GCC2: variants seen among roughly 807,000 people sequenced by gnomAD.
GCC2 encodes the protein GRIP and coiled-coil domain-containing protein 2.
Under a neutral mutation model 210.6 loss-of-function variants are expected in GCC2, and 120 were observed. The observed-to-expected ratio is 0.57, with a 90% CI of 0.49 to 0.66. The LOEUF (loss-of-function observed/expected upper bound fraction) is 0.66. Among genes scored for constraint, GCC2 ranks in the 30% least tolerant of loss-of-function variants. The pLI, the probability that GCC2 is intolerant of heterozygous loss-of-function variation, is 0.00. For missense variants in GCC2, 1,868 were observed against 1,871.9 expected (o/e 1.00, Z 0.04); for synonymous variants, 703 against 652.7 (o/e 1.08, Z -1.17).
In GCC2 at chr2:108,466,638, A is replaced by G. The variant is rs199587053; in HGVS notation, c.217-2342A>G. Among the ~76,000 whole-genome samples the G allele has an allele frequency of 4.6e-5, 7 of 151,314 alleles. No homozygotes were observed. In the East Asian group the frequency reaches 9.9e-4, roughly 21 times the overall value. ...CAGGCGCCCACCACCACACCTGACT[A>G]ATTTTTTGTATTTTTAGTAGAGATG... On this transcript the variant is annotated intron_variant, in intron 4 of 22. Transcript: ENST00000309863.
chr2:108,468,122 A>G (rs1251938886), intron 4 of GCC2, among the ~76,000 whole-genome samples: 1 of 151,010 alleles, frequency 6.6e-6, no homozygotes, highest in Non-Finnish European at 1.5e-5. Flanking sequence ...AGTACAGTGG[A>G]GTGATCTTGG....
At position 108,492,670 on chromosome 2, in the gene GCC2, T is replaced by G. The variant is rs1444331771; in HGVS notation, c.4327T>G (p.Phe1443Val). 1 of 1,613,874 alleles carries G rather than the reference T, an allele frequency of 6.2e-7. No individual in the cohort carries two copies. Among genetic ancestry groups the G allele is most frequent in the East Asian group, 2.2e-5 (1 of 44,876 alleles). The change falls in exon 19 of 23, where the codon TTC (phenylalanine) becomes GTC (valine). Residue 1443 changes from phenylalanine (F) to valine (V), a missense_variant. Physicochemically the swap from Phe to Val is conservative, Grantham distance 50. Transcript: ENST00000309863. ...TSQNEVLRNS[F>V]RDQVRHLQEE... The stretch of plus-strand genomic sequence containing the variant: ...CCAGAACGAGGTCCTTCGAAATAGC[T>G]TCCGAGATCAAGTGCGACATTTGCA...
intron 4 of GCC2, among the ~76,000 whole-genome samples, chr2:108,453,530 A>G (rs1251671216): frequency 2.0e-5 from 3 of 152,160 alleles, no homozygotes; most frequent in Non-Finnish European, 4.4e-5. Flanking sequence ...CACACCTGTA[A>G]TCCCAGCACT....
At chr2:108,500,110 C>A (rs1485254169) in intron 22 of GCC2, among the ~76,000 whole-genome samples, 5 of 151,978 alleles carry the variant, frequency 3.3e-5, no homozygotes, top group African/African-American at 7.2e-5. Flanking sequence ...TTTTCTACTT[C>A]ACGCCTCTTC....
At chr2:108,486,419 T>A (rs543225191) in intron 15 of GCC2, 92 bp from the exon 16 acceptor site, 4 of 1,196,586 alleles carry the variant, frequency 3.3e-6, no homozygotes, top group African/African-American at 1.5e-5. Flanking sequence ...TATGTACTTA[T>A]GTCTCAAACC....
chr2:108,463,898 G>A (rs1213147608), intron 4 of GCC2, among the ~76,000 whole-genome samples: 1 of 152,196 alleles, frequency 6.6e-6, no homozygotes, highest in Non-Finnish European at 1.5e-5. Context: ...GCCAGCTGTG[G>A]TGGTAGCAGC....
chr2:108,487,665 G>C (rs571805380), intron 16 of GCC2, 34 bp from the exon 17 acceptor site: 1 of 1,576,174 alleles, frequency 6.3e-7, no homozygotes, highest in South Asian at 1.2e-5. Flanking sequence ...CCCTGTTACA[G>C]TAGAAAAACG....
chr2:108,490,956 G>A (rs1018250897), intron 18 of GCC2, among the ~76,000 whole-genome samples: 1 of 152,116 alleles, frequency 6.6e-6, no homozygotes, highest in African/African-American at 2.4e-5. Flanking sequence ...ATAGCATTTT[G>A]AGGTATCTTT....
At chr2:108,490,055 T>A in intron 18 of GCC2, 41 bp downstream of exon 18, 1 of 1,360,172 alleles carries the variant, frequency 7.4e-7, no homozygotes, top group Non-Finnish European at 9.9e-7. Context: ...CAGACAGCAA[T>A]GTATTTCTTT....
intron 22 of GCC2, among the ~76,000 whole-genome samples, chr2:108,503,717 G>C (rs1209079569): frequency 4.6e-5 from 7 of 152,164 alleles, no homozygotes; most frequent in Non-Finnish European, 8.8e-5. Context: ...CTCTGGTTTT[G>C]TGTAAAGTTT....
chr2:108,480,814 A>G (rs1237711658), intron 9 of GCC2, among the ~76,000 whole-genome samples: 1 of 152,158 alleles, frequency 6.6e-6, no homozygotes, highest in East Asian at 1.9e-4. Context: ...TAGGCTTAAT[A>G]CTTGGATGGT....
In GCC2 at chr2:108,470,733, C is replaced by T. The variant is rs1681156579; in HGVS notation, c.1404C>T (p.Asn468=). 2 of 1,612,750 alleles carry T rather than the reference C, an allele frequency of 1.2e-6. No individual in the cohort carries two copies. Among genetic ancestry groups the T allele is most frequent in the Admixed American group, 1.7e-5 (1 of 59,798 alleles). ...EIQGLKEQCE[N]LQQEKQEAIL... is the part of the protein sequence containing the mutation. ...AGGGTCTTAAGGAACAGTGTGAAAACCTACAGCAAGAAAAGCAAGAAGCAA... is the reference window on the plus strand; with the variant it reads ...AGGGTCTTAAGGAACAGTGTGAAAATCTACAGCAAGAAAAGCAAGAAGCAA... Residue 468 remains asparagine, a synonymous_variant, in exon 6 of 23, where the codon AAC becomes AAT. Coordinates refer to ENST00000309863, the MANE Select transcript of GCC2 (RefSeq NM_181453.4).
chr2:108,464,932 T>G (rs1680793797), intron 4 of GCC2, among the ~76,000 whole-genome samples: 1 of 152,126 alleles, frequency 6.6e-6, no homozygotes, highest in African/African-American at 2.4e-5. Flanking sequence ...AGCAGGCACG[T>G]CACATGGCGA....
intron 4 of GCC2, among the ~76,000 whole-genome samples, chr2:108,458,271 A>G (rs991770606): frequency 1.1e-4 from 16 of 147,494 alleles, no homozygotes; most frequent in Admixed American, 7.3e-4. Flanking sequence ...AATTCATTTG[A>G]TCATGGTGTA....
At chr2:108,490,871 C>CTGT (rs1164365990) in intron 18 of GCC2, among the ~76,000 whole-genome samples, 2 of 152,158 alleles carry the variant, frequency 1.3e-5, no homozygotes, top group Non-Finnish European at 1.5e-5. Context: ...AAATAAAGTA[C>CTGT]TGTTGATTCC....
In GCC2 at chr2:108,489,842, C is replaced by T; in HGVS notation, c.4057C>T (p.His1353Tyr). Reference protein sequence around the residue: ...ETEGAKQEREHLEMLIDQLKI... With the variant: ...ETEGAKQEREYLEMLIDQLKI... The stretch of plus-strand genomic sequence containing the variant: ...AACTGTGTATTTCTGTTTTAGGGAA[C>T]ATCTGGAAATGCTGATTGACCAGCT... The change falls in exon 18 of 23, where the codon CAT becomes TAT. Residue 1353 changes from histidine to tyrosine, a missense_variant. This residue lies in a region of GCC2 where 1,847 missense variants were observed against 1,765.2 expected (regional missense o/e 1.05). Coordinates refer to ENST00000309863, the MANE Select transcript of GCC2 (RefSeq NM_181453.4). 1 of 1,591,746 alleles carries T rather than the reference C, an allele frequency of 6.3e-7. No individual in the cohort carries two copies. Among genetic ancestry groups the T allele is most frequent in the Non-Finnish European group, 8.5e-7 (1 of 1,171,780 alleles).
Position 108,507,705 on chromosome 2 carries a change from C to A in GCC2, c.*75C>A. ...ATGGTTCACGTATATTACCACAATT[C>A]TTTTGTCAAAAAGTGTGTATATATG... On this transcript the variant is annotated 3_prime_UTR_variant, in exon 23 of 23. Transcript: ENST00000309863. 2 of 1,056,338 alleles carry A rather than the reference C, an allele frequency of 1.9e-6. No individual in the cohort carries two copies. The highest frequency in any genetic ancestry group is 1.4e-5 in the South Asian group (1 of 73,826). 65.4% of individuals were successfully genotyped at this position (1,056,338 alleles called of 1,614,324 possible). A position where few individuals can be genotyped will look rare whatever the true frequency, so the allele number is the denominator to read the frequency against.
At chr2:108,491,510 T>G (rs1558756034) in intron 18 of GCC2, among the ~76,000 whole-genome samples, 1 of 152,212 alleles carries the variant, frequency 6.6e-6, no homozygotes, top group Non-Finnish European at 1.5e-5. Context: ...ACATGGTATT[T>G]TATTGCATTT....
chr2:108,463,759 A>T (rs1232203689), intron 4 of GCC2, among the ~76,000 whole-genome samples: 1 of 152,134 alleles, frequency 6.6e-6, no homozygotes, highest in Non-Finnish European at 1.5e-5. Context: ...TGGATGTAGC[A>T]TGGGAAATGG....
Sources: gnomAD v4.1 joint callset for allele counts (sites outside exome capture counted in the v4.1 genomes callset) on GRCh38, gnomAD v4.1.1 for gene constraint, gnomAD v4.1.1 regional missense constraint, MANE v1.5 for transcripts, NCBI Gene and HGNC (gene_info 2026-07-23, HGNC 2026-07-21) for gene names.